CCDC7: variants seen among roughly 807,000 people sequenced by gnomAD.
CCDC7 encodes coiled-coil domain containing 7.
A neutral mutation model predicts 196.9 loss-of-function variants in CCDC7; 183 were observed. That is an observed-to-expected ratio of 0.93 (90% CI 0.82 to 1.05). The LOEUF (loss-of-function observed/expected upper bound fraction) is 1.05, where lower values mean the gene tolerates loss of function less well. CCDC7 is among the 50% of genes least tolerant of loss of function. CCDC7 has a pLI of 0.00. For missense variants in CCDC7, 1,540 were observed against 1,482.2 expected, an observed-to-expected ratio of 1.04 and a Z score of -0.64; for synonymous variants, 525 against 484.6, an observed-to-expected ratio of 1.08 and a Z score of -1.10.
intron 32 of CCDC7, among the ~76,000 whole-genome samples, chr10:32,828,485 GGAAGAAGAAGAAGAAGAA>G (rs68150303): frequency 0.012 from 618 of 49,614 alleles, 8 homozygotes; most frequent in East Asian, 0.03. Context: ...AAGAGGAAGA[GGAAGAAGAAGAAGAAGAA>G]GAAGAAGAAG....
chr10:32,777,249 T>C (rs1462024895), intron 28 of CCDC7, among the ~76,000 whole-genome samples: 2 of 152,240 alleles, frequency 1.3e-5, no homozygotes, highest in South Asian at 4.1e-4. Context: ...CCGTGGTATA[T>C]ATGTACCACA....
At chr10:32,860,983 G>A (rs2093958821) in intron 41 of CCDC7, among the ~76,000 whole-genome samples, 1 of 151,984 alleles carries the variant, frequency 6.6e-6, no homozygotes, top group Admixed American at 6.6e-5. Flanking sequence ...TGGCCATACT[G>A]CCCAAAGTAA....
chr10:32,543,277 C>A, intron 11 of CCDC7, 23 bp from the exon 13 acceptor site: 1 of 1,374,298 alleles, frequency 7.3e-7, no homozygotes, highest in South Asian at 1.7e-5. Flanking sequence ...CCCTTTATTT[C>A]TGGCTTATGT....
rs186617326 is a variant in CCDC7, at chr10:32,577,456, A to G, written c.1454+5563A>G. Among the ~76,000 whole-genome samples the G allele has an allele frequency of 4.6e-5, 7 of 152,270 alleles. No homozygotes were observed. In the East Asian group the frequency reaches 1.2e-3, roughly 25 times the overall value. On this transcript the variant is annotated intron_variant, in intron 16 of 41. Transcript: ENST00000639629. Reference sequence around the variant, plus strand: ...GCTCATTAGTCTTTATAATAGTGCAATTCAGTCAATCTGAGGAGATTGTGC... The same window carrying G: ...GCTCATTAGTCTTTATAATAGTGCAGTTCAGTCAATCTGAGGAGATTGTGC...
intron 15 of CCDC7, among the ~76,000 whole-genome samples, chr10:32,568,240 C>T (rs944143970): frequency 1.3e-5 from 2 of 151,834 alleles, no homozygotes; most frequent in East Asian, 3.9e-4. Context: ...CTCCTGACCT[C>T]GTGATCTGCC....
chr10:32,731,085 T>C (rs1731965716), intron 28 of CCDC7, among the ~76,000 whole-genome samples: 1 of 152,150 alleles, frequency 6.6e-6, no homozygotes. Context: ...TTTCTTCTTA[T>C]AGTACTGTCC....
At chr10:32,790,168 C>G (rs1226920856) in intron 29 of CCDC7, among the ~76,000 whole-genome samples, 1 of 152,126 alleles carries the variant, frequency 6.6e-6, no homozygotes, top group Non-Finnish European at 1.5e-5. Context: ...ATGGCCAGCC[C>G]CACTCCCAAG....
At chr10:32,770,021 G>T (rs2134052710) in intron 28 of CCDC7, among the ~76,000 whole-genome samples, 1 of 152,284 alleles carries the variant, frequency 6.6e-6, no homozygotes, top group South Asian at 2.1e-4. Flanking sequence ...GGATCAAATG[G>T]TATTTCTGGT....
At position 32,567,892 on chromosome 10, in the gene CCDC7, G is replaced by T; in HGVS notation, c.1419+1G>T. The T allele has an allele frequency of 6.2e-7, 1 of 1,609,608 alleles. No homozygotes were observed. Among genetic ancestry groups the T allele is most frequent in the Non-Finnish European group, 8.5e-7 (1 of 1,178,722 alleles). ...TGATAAAATCCAAGAATATCCACAG[G>T]TGAGGAAATAACCAAAATGGAGACA... On this transcript the variant is annotated splice_donor_variant, in intron 15 of 41. Transcript: ENST00000639629. LOFTEE classifies it high-confidence loss of function.
chr10:32,862,754 GACAA>G (rs2094052697), intron 41 of CCDC7, among the ~76,000 whole-genome samples: 1 of 152,004 alleles, frequency 6.6e-6, no homozygotes, highest in African/African-American at 2.4e-5. Context: ...TCTGTTTGAA[GACAA>G]CATGATCTTA....
At chr10:32,819,891 T>C (rs1317211800) in intron 31 of CCDC7, among the ~76,000 whole-genome samples, 2 of 152,026 alleles carry the variant, frequency 1.3e-5, no homozygotes, top group African/African-American at 4.8e-5. Context: ...AAGCATTCCC[T>C]TTGAAAACTG....
intron 41 of CCDC7, among the ~76,000 whole-genome samples, chr10:32,862,343 A>G (rs922077974): frequency 6.6e-6 from 1 of 150,756 alleles, no homozygotes; most frequent in African/African-American, 2.4e-5. Flanking sequence ...GCATGTTCTC[A>G]CTTATAAGTG....
At chr10:32,803,905 C>T (rs117648720) in intron 29 of CCDC7, among the ~76,000 whole-genome samples, 6,050 of 152,006 alleles carry the variant, frequency 0.04, 127 homozygotes, top group Middle Eastern at 0.065. Context: ...GGATGTTTGT[C>T]GCCTCCACCA....
intron 33 of CCDC7, among the ~76,000 whole-genome samples, chr10:32,835,684 A>G (rs1224508821): frequency 6.6e-6 from 1 of 152,044 alleles, no homozygotes; most frequent in Admixed American, 6.6e-5. Flanking sequence ...GGCCTTTTGC[A>G]GAGTGGAGGA....
downstream of CCDC7, among the ~76,000 whole-genome samples, chr10:32,880,667 T>C (rs966828564): frequency 3.7e-4 from 57 of 152,220 alleles, no homozygotes; most frequent in Admixed American, 8.5e-4. Flanking sequence ...AGGATTTGTA[T>C]AGTTTTGGGT....
At position 32,814,457 on chromosome 10, in the gene CCDC7, A is replaced by G; in HGVS notation, c.3181+4A>G. On this transcript the variant is annotated splice_donor_region_variant and intron_variant, in intron 31 of 41. Coordinates refer to ENST00000639629, the Ensembl canonical transcript of CCDC7. ...ACACGATCAAAGAGTCTCCCTGGTA[A>G]GAACAAAAACTTTACACATTTAGTA... 6.3e-7 allele frequency: 1 copy of G among 1,593,824 alleles called. No individual in the cohort carries two copies. The highest frequency in any genetic ancestry group is 8.6e-7 in the Non-Finnish European group (1 of 1,163,044).
At chr10:32,798,879 A>G (rs1369502328) in intron 29 of CCDC7, among the ~76,000 whole-genome samples, 1 of 152,060 alleles carries the variant, frequency 6.6e-6, no homozygotes, top group Non-Finnish European at 1.5e-5. Context: ...ACCAGACCCT[A>G]CTATTCTCTT....
At chr10:32,525,150 C>T (rs1175985467) in intron 11 of CCDC7, among the ~76,000 whole-genome samples, 6 of 150,726 alleles carry the variant, frequency 4.0e-5, no homozygotes, top group African/African-American at 7.3e-5. Flanking sequence ...ATGTAAATGA[C>T]GAGTTAATGG....
Position 32,618,385 on chromosome 10 carries a change from T to G in CCDC7, c.1802-15869T>G, listed in dbSNP as rs184034152. Among the ~76,000 whole-genome samples, 51 of 152,184 alleles carry G rather than the reference T, an allele frequency of 3.4e-4. 1 individual carries two copies. In the East Asian group the frequency reaches 8.3e-3, roughly 25 times the overall value. ...TTATTTTCCTCCTTTTTGTGATTATTTTATAAAAACTAAGTTTTATATTTC... is the reference window on the plus strand; with the variant it reads ...TTATTTTCCTCCTTTTTGTGATTATGTTATAAAAACTAAGTTTTATATTTC... On this transcript the variant is annotated intron_variant, in intron 18 of 41. Coordinates refer to ENST00000639629, the Ensembl canonical transcript of CCDC7.
Sources: allele counts gnomAD v4.1 joint callset (sites outside exome capture counted in the v4.1 genomes callset), GRCh38; gene constraint gnomAD v4.1.1; transcripts MANE v1.5; gene names NCBI Gene and HGNC (gene_info 2026-07-23, HGNC 2026-07-21).